The following RNF216 variants were observed in gnomAD, a reference collection of about 807,000 sequenced individuals.
RNF216 encodes ring finger protein 216.
In RNF216, 72 loss-of-function variants were observed where a neutral mutation model predicts 110.8. That is an observed-to-expected ratio of 0.65 (90% CI 0.54 to 0.79). RNF216 has a LOEUF of 0.79. Among genes scored for constraint, RNF216 ranks in the 30% least tolerant of loss-of-function variants. The probability of loss-of-function intolerance (pLI) is 0.00; values close to 1 mark genes in which losing one functional copy is unlikely to be tolerated. For synonymous variants in RNF216, 495 were observed against 407.5 expected (o/e 1.21, Z -2.59); for missense variants, 1,342 against 1,141.2 (o/e 1.18, Z -2.54).
chr7:5,644,290 TC>T (rs1289729706), intron 14 of RNF216, among the ~76,000 whole-genome samples: 2 of 152,182 alleles, frequency 1.3e-5, no homozygotes, highest in East Asian at 3.8e-4. Flanking sequence ...CTATTTCTAT[TC>T]CCACCTCAAT....
intron 15 of RNF216, among the ~76,000 whole-genome samples, chr7:5,627,148 G>T (rs1786759437): frequency 6.6e-6 from 1 of 152,202 alleles, no homozygotes; most frequent in African/African-American, 2.4e-5. Context: ...CTGTAGCACA[G>T]AAACTGAGGT....
intron 13 of RNF216, among the ~76,000 whole-genome samples, chr7:5,700,674 A>G (rs1415329167): frequency 6.6e-6 from 1 of 152,198 alleles, no homozygotes; most frequent in East Asian, 1.9e-4. Context: ...AAAAATCCAC[A>G]GAGAATCTTT....
At position 5,729,597 on chromosome 7, in the gene RNF216, C is replaced by A; in HGVS notation, c.1225-1G>T. The A allele has an allele frequency of 1.2e-6, 2 of 1,613,194 alleles. No individual in the cohort carries two copies. The highest frequency in any genetic ancestry group is 1.7e-6 in the Non-Finnish European group (2 of 1,179,282). On this transcript the variant is annotated splice_acceptor_variant, in intron 6 of 16. Transcript: ENST00000389902. LOFTEE classifies it high-confidence loss of function. Reference sequence around the variant, plus strand: ...AGTCAAAAAAGTCTATTTTAGGCAACTGAAATGAGAGAGAAGCATAAAATC... The same window carrying A: ...AGTCAAAAAAGTCTATTTTAGGCAAATGAAATGAGAGAGAAGCATAAAATC...
At chr7:5,662,988 A>C (rs1395516264) in intron 13 of RNF216, among the ~76,000 whole-genome samples, 3 of 152,140 alleles carry the variant, frequency 2.0e-5, no homozygotes, top group Non-Finnish European at 4.4e-5. Flanking sequence ...CTATGCCCTC[A>C]ATGGCACAAC....
intron 1 of RNF216, among the ~76,000 whole-genome samples, chr7:5,769,880 T>A (rs1796401485): frequency 6.7e-6 from 1 of 148,750 alleles, no homozygotes; most frequent in Non-Finnish European, 1.5e-5. Context: ...CTATTAAAAA[T>A]ACAAAAATTA....
At chr7:5,730,605 A>G (rs764957867) in intron 6 of RNF216, 110 bp downstream of exon 6, 3 of 1,526,868 alleles carry the variant, frequency 2.0e-6, no homozygotes, top group Non-Finnish European at 2.7e-6. Flanking sequence ...TAGTCTTTAA[A>G]AACTTGTCCC....
rs59152032 is a variant in RNF216, at chr7:5,631,668, TAA to T, written c.2383-7545_2383-7544del. ...CTCAGGGATTTGGTTCTCATCAACA[TAA>T]AAAAAAAAATGCCATTATTTCTTTT... On this transcript the variant is annotated intron_variant, in intron 15 of 16. Coordinates refer to ENST00000389902, the MANE Select transcript of RNF216 (RefSeq NM_207111.4). Among the ~76,000 whole-genome samples the T allele has an allele frequency of 8.2e-3, 1,211 of 147,220 alleles. 17 individuals are homozygous for T. The highest frequency in any genetic ancestry group is 0.029 in the African/African-American group (1,164 of 40,712).
intron 14 of RNF216, among the ~76,000 whole-genome samples, chr7:5,641,927 G>A (rs1358810973): frequency 6.6e-6 from 1 of 151,438 alleles, no homozygotes; most frequent in Non-Finnish European, 1.5e-5. Context: ...CAGCTACTTG[G>A]GAGGTTGAGG....
At chr7:5,712,660 T>C in intron 12 of RNF216, 55 bp downstream of exon 12, 2 of 1,580,924 alleles carry the variant, frequency 1.3e-6, no homozygotes, top group Non-Finnish European at 1.7e-6. Flanking sequence ...AGTGCCCAGG[T>C]AGTTTTCACA....
At chr7:5,643,402 G>A (rs1268335197) in intron 14 of RNF216, among the ~76,000 whole-genome samples, 1 of 151,294 alleles carries the variant, frequency 6.6e-6, no homozygotes, top group Admixed American at 6.6e-5. Context: ...ACACAGCCCC[G>A]CAGGATGTGC....
intron 2 of RNF216, among the ~76,000 whole-genome samples, chr7:5,755,214 A>AAAGGAAGGAAGGG (rs748266152): frequency 1.4e-4 from 16 of 111,902 alleles, no homozygotes; most frequent in Non-Finnish European, 2.6e-4. Context: ...GGGAAGGAAG[A>AAAGGAAGGAAGGG]AAGGAAGGAA....
At chr7:5,722,055 G>A (rs1793461047) in intron 8 of RNF216, among the ~76,000 whole-genome samples, 1 of 152,122 alleles carries the variant, frequency 6.6e-6, no homozygotes, top group African/African-American at 2.4e-5. Flanking sequence ...CTGAGGAGCT[G>A]GGACTATACA....
chr7:5,729,414 G>T lies in RNF216; in HGVS notation c.1389+18C>A. On this transcript the variant is annotated intron_variant, in intron 7 of 16. Coordinates refer to ENST00000389902, the MANE Select transcript of RNF216 (RefSeq NM_207111.4). ...TAGTCAAGAGGTGTGACCCCAACAG[G>T]AAGACCAAGTAGAGTACCTTTCGGG... 1 of 1,613,084 alleles carries T rather than the reference G, an allele frequency of 6.2e-7. No individual in the cohort carries two copies. Among genetic ancestry groups the T allele is most frequent in the South Asian group, 1.1e-5 (1 of 91,046 alleles).
intron 5 of RNF216, among the ~76,000 whole-genome samples, chr7:5,737,713 G>A (rs1794510008): frequency 6.6e-6 from 1 of 152,118 alleles, no homozygotes; most frequent in African/African-American, 2.4e-5. Context: ...TGGCAGGGAA[G>A]AAACTCACCT....
chr7:5,751,865 T>G (rs1448729447), intron 3 of RNF216, among the ~76,000 whole-genome samples: 1 of 143,700 alleles, frequency 7.0e-6, no homozygotes, highest in African/African-American at 2.6e-5. Flanking sequence ...AAGCAACAGA[T>G]TTGTAGTTTA....
intron 13 of RNF216, among the ~76,000 whole-genome samples, chr7:5,669,192 A>G (rs1417970646): frequency 6.6e-6 from 1 of 152,206 alleles, no homozygotes; most frequent in African/African-American, 2.4e-5. Context: ...GGCTCCAGCT[A>G]TACCTACTAA....
At chr7:5,740,605 G>A (rs1584548316) in intron 4 of RNF216, among the ~76,000 whole-genome samples, 1 of 152,096 alleles carries the variant, frequency 6.6e-6, no homozygotes, top group Admixed American at 6.5e-5. Flanking sequence ...CAGCCACAAG[G>A]AGCTAGTAAG....
intron 1 of RNF216, among the ~76,000 whole-genome samples, chr7:5,767,387 T>C (rs1796260713): frequency 1.3e-5 from 2 of 152,100 alleles, no homozygotes; most frequent in Admixed American, 1.3e-4. Context: ...GGTCAGAGTT[T>C]GGGGCTGCCA....
intron 3 of RNF216, among the ~76,000 whole-genome samples, chr7:5,751,883 C>T (rs1413358053): frequency 1.8e-5 from 1 of 55,786 alleles, no homozygotes; most frequent in South Asian, 6.7e-4. Flanking sequence ...TTAAAAAAAA[C>T]AGTTTAAAAA....
Sources: allele counts gnomAD v4.1 joint callset (sites outside exome capture counted in the v4.1 genomes callset), GRCh38; gene constraint gnomAD v4.1.1; transcripts MANE v1.5; gene names NCBI Gene and HGNC (gene_info 2026-07-23, HGNC 2026-07-21).